The following ENAH variants were observed in gnomAD, a reference collection of about 807,000 sequenced individuals.
ENAH encodes the protein ENAH actin regulator, also known as protein enabled homolog.
Under a neutral mutation model 78.7 loss-of-function variants are expected in ENAH, and 23 were observed. The observed-to-expected ratio is 0.29, with a 90% CI of 0.21 to 0.41. The LOEUF is 0.41. Among genes scored for constraint, ENAH ranks in the 10% least tolerant of loss-of-function variants. The probability of loss-of-function intolerance (pLI) is 1.00; values close to 1 mark genes in which losing one functional copy is unlikely to be tolerated. For missense variants in ENAH, 544 were observed against 691.0 expected, an observed-to-expected ratio of 0.79 and a Z score of 2.39; for synonymous variants, 226 against 241.0, an observed-to-expected ratio of 0.94 and a Z score of 0.58.
intron 3 of ENAH, among the ~76,000 whole-genome samples, chr1:225,540,648 C>T (rs912244184): frequency 5.3e-5 from 8 of 151,022 alleles, no homozygotes; most frequent in Non-Finnish European, 8.8e-5. Context: ...ATTGAAAATG[C>T]TACACAGTTC....
chr1:225,591,375 G>A (rs2096874753), intron 1 of ENAH, among the ~76,000 whole-genome samples: 2 of 152,006 alleles, frequency 1.3e-5, no homozygotes, highest in South Asian at 4.1e-4. Context: ...GGCTGAGGCA[G>A]GAGAATCGCT....
chr1:225,491,057 G>A lies in ENAH; in HGVS notation c.*6718C>T, dbSNP rs879421056. The A allele has an allele frequency of 7.9e-5, 12 of 152,118 alleles. No individual in the cohort carries two copies. Among genetic ancestry groups the A allele is most frequent in the African/African-American group, 2.2e-4 (9 of 41,404 alleles). The allele number at this position is 152,118 out of a possible 1,614,324, so 9.4% of individuals were successfully genotyped here. A position where few individuals can be genotyped will look rare whatever the true frequency, so the allele number is the denominator to read the frequency against. ...CCATATTTAAAATGCCCAGTGCCTCGGTCAGCAGAACCAACCAAGTGACAC... is the reference window on the plus strand; with the variant it reads ...CCATATTTAAAATGCCCAGTGCCTCAGTCAGCAGAACCAACCAAGTGACAC... On this transcript the variant is annotated 3_prime_UTR_variant, in exon 14 of 14. Coordinates refer to ENST00000366843, the MANE Select transcript of ENAH (RefSeq NM_018212.6).
At chr1:225,521,641 CAAAAAA>C (rs559523159) in intron 4 of ENAH, among the ~76,000 whole-genome samples, 2 of 69,370 alleles carry the variant, frequency 2.9e-5, no homozygotes, top group African/African-American at 7.8e-5. Context: ...ACCCTGTCTC[CAAAAAA>C]AAAAAAAAAA....
chr1:225,621,504 G>C (rs1656922947), intron 1 of ENAH, among the ~76,000 whole-genome samples: 1 of 151,512 alleles, frequency 6.6e-6, no homozygotes, highest in Non-Finnish European at 1.5e-5. Flanking sequence ...GTTTTAGCCG[G>C]GATGGTCTCG....
rs2096223620 is a variant in ENAH at position 225,491,823 on chromosome 1, A to G, written c.*5952T>C. The G allele has an allele frequency of 1.3e-5, 2 of 152,214 alleles. 1 individual carries two copies. The highest frequency in any genetic ancestry group is 4.1e-4 in the South Asian group (2 of 4,828). The allele number at this position is 152,214 out of a possible 1,614,324, so 9.4% of individuals were successfully genotyped here. A position where few individuals can be genotyped will look rare whatever the true frequency, so the allele number is the denominator to read the frequency against. On this transcript the variant is annotated 3_prime_UTR_variant, in exon 14 of 14. Coordinates refer to ENST00000366843, the MANE Select transcript of ENAH (RefSeq NM_018212.6). Reference sequence around the variant, plus strand: ...CTTCTTAGAAGAATAACTATTTACTAAAACCCAACCAAACCAACCTATAAC... The same window carrying G: ...CTTCTTAGAAGAATAACTATTTACTGAAACCCAACCAAACCAACCTATAAC...
intron 3 of ENAH, among the ~76,000 whole-genome samples, chr1:225,533,490 GAAC>G: frequency 6.6e-6 from 1 of 152,222 alleles, no homozygotes. Flanking sequence ...AAAGAGGGAA[GAAC>G]AACCAAGGTT....
At chr1:225,650,082 A>G (rs1662685896) in intron 1 of ENAH, among the ~76,000 whole-genome samples, 2 of 152,344 alleles carry the variant, frequency 1.3e-5, no homozygotes, top group South Asian at 2.1e-4. Flanking sequence ...AGAATATTCC[A>G]AAGACTTTTG....
intron 1 of ENAH, among the ~76,000 whole-genome samples, chr1:225,570,727 G>A (rs1365370466): frequency 3.3e-5 from 5 of 151,924 alleles, no homozygotes; most frequent in Admixed American, 2.6e-4. Context: ...GGAGGCCGAG[G>A]CGGGCAGATC....
chr1:225,571,953 CTTTCCTGAGT>C (rs1011170813), intron 1 of ENAH, among the ~76,000 whole-genome samples: 10 of 152,216 alleles, frequency 6.6e-5, no homozygotes, highest in African/African-American at 2.2e-4. Context: ...TAGTGAAGCG[CTTTCCTGAGT>C]TTTGGGAATC....
chr1:225,587,551 C>T (rs1418387165), intron 1 of ENAH, among the ~76,000 whole-genome samples: 2 of 152,112 alleles, frequency 1.3e-5, no homozygotes, highest in African/African-American at 4.8e-5. Context: ...TTGGAAGCCT[C>T]AATATTGTTA....
chr1:225,552,293 C>T (rs1054781628), intron 3 of ENAH, among the ~76,000 whole-genome samples: 12 of 151,910 alleles, frequency 7.9e-5, no homozygotes, highest in Middle Eastern at 6.8e-3. Flanking sequence ...CCCGCCACCA[C>T]GCCCGGCTAA....
At chr1:225,498,934 A>G (rs2096265214) in intron 12 of ENAH, among the ~76,000 whole-genome samples, 1 of 152,200 alleles carries the variant, frequency 6.6e-6, no homozygotes, top group Non-Finnish European at 1.5e-5. Context: ...GTAGGCAGGA[A>G]GGTGGATGAG....
chr1:225,622,412 AC>A (rs1297946957), intron 1 of ENAH, among the ~76,000 whole-genome samples: 1 of 151,998 alleles, frequency 6.6e-6, no homozygotes, highest in African/African-American at 2.4e-5. Context: ...ATATGGCAAG[AC>A]CCCATCTCTA....
rs33964064 is a variant in ENAH at position 225,495,456 on chromosome 1, G to GTTTTTTTTTTTTT, written c.*2306_*2318dup. 1.8e-5 allele frequency: 2 copies of GTTTTTTTTTTTTT among 110,762 alleles called. No individual in the cohort carries two copies. The highest frequency in any genetic ancestry group is 3.5e-5 in the Non-Finnish European group (2 of 57,462). 6.9% of individuals were successfully genotyped at this position (110,762 alleles called of 1,614,324 possible). ...GGAAATATAGCATGATTCAACACTG[G>GTTTTTTTTTTTTT]TTTTTTTTTTTTTTTTTTTTTGTCA... On this transcript the variant is annotated 3_prime_UTR_variant, in exon 14 of 14. Coordinates refer to ENST00000366843, the MANE Select transcript of ENAH (RefSeq NM_018212.6).
chr1:225,593,421 G>A (rs1575646564), intron 1 of ENAH, among the ~76,000 whole-genome samples: 1 of 111,078 alleles, frequency 9.0e-6, no homozygotes, highest in East Asian at 3.0e-4. Context: ...GGGGGGGTGG[G>A]GGGTGCCCTA....
At chr1:225,540,089 T>C (rs2096582236) in intron 3 of ENAH, among the ~76,000 whole-genome samples, 1 of 152,112 alleles carries the variant, frequency 6.6e-6, no homozygotes, top group Non-Finnish European at 1.5e-5. Flanking sequence ...GGGAGAAAAG[T>C]TTTAGAATGA....
chr1:225,494,921 G>A lies in ENAH; in HGVS notation c.*2854C>T, dbSNP rs2096242181. Reference sequence around the variant, plus strand: ...GTTACGGTAAAAATAGCAGAAAACTGAAAATTCTAAAAAGGAAGTACACCT... The same window carrying A: ...GTTACGGTAAAAATAGCAGAAAACTAAAAATTCTAAAAAGGAAGTACACCT... On this transcript the variant is annotated 3_prime_UTR_variant, in exon 14 of 14. Coordinates refer to ENST00000366843, the MANE Select transcript of ENAH (RefSeq NM_018212.6). The A allele has an allele frequency of 1.3e-5, 2 of 152,532 alleles. No homozygotes were observed. Among genetic ancestry groups the A allele is most frequent in the South Asian group, 4.1e-4 (2 of 4,834 alleles). 9.4% of individuals were successfully genotyped at this position (152,532 alleles called of 1,614,324 possible).
At chr1:225,537,120 T>C (rs992572452) in intron 3 of ENAH, among the ~76,000 whole-genome samples, 2 of 151,980 alleles carry the variant, frequency 1.3e-5, no homozygotes, top group East Asian at 1.9e-4. Context: ...CTTTATTCCA[T>C]ATTTAAAGAG....
intron 3 of ENAH, among the ~76,000 whole-genome samples, chr1:225,542,739 G>A (rs2096595592): frequency 6.6e-6 from 1 of 152,188 alleles, no homozygotes; most frequent in Non-Finnish European, 1.5e-5. Context: ...AATTAAAGAT[G>A]GCCAGGAGCA....
Sources: gnomAD v4.1 joint callset for allele counts (sites outside exome capture counted in the v4.1 genomes callset) on GRCh38, gnomAD v4.1.1 for gene constraint, MANE v1.5 for transcripts, NCBI Gene and HGNC (gene_info 2026-07-23, HGNC 2026-07-21) for gene names.